Variants in ANO1 observed in about 807,000 individuals in gnomAD.
ANO1 encodes the protein anoctamin-1.
Under a neutral mutation model 124.0 loss-of-function variants are expected in ANO1, and 59 were observed. The ratio of observed to expected loss-of-function variants is 0.48; its 90% CI spans 0.39 to 0.59. The LOEUF (loss-of-function observed/expected upper bound fraction) is 0.59, where lower values mean the gene tolerates loss of function less well. Ranked by LOEUF, ANO1 falls within the 20% of genes least tolerant of loss-of-function variation. The pLI, the probability that ANO1 is intolerant of heterozygous loss-of-function variation, is 0.00. For synonymous variants in ANO1, 529 were observed against 532.0 expected, an observed-to-expected ratio of 0.99 and a Z score of 0.08; for missense variants, 1,059 against 1,328.0, an observed-to-expected ratio of 0.80 and a Z score of 3.15.
At position 70,182,318 on chromosome 11, in the gene ANO1, G is replaced by A. The variant is rs7112779; in HGVS notation, c.2404-184G>A. Among the ~76,000 whole-genome samples the A allele has an allele frequency of 2.5e-3, 376 of 152,338 alleles. 3 individuals carry two copies. In the East Asian group the frequency reaches 0.027, roughly 11 times the overall value. On this transcript the variant is annotated intron_variant, in intron 23 of 25. Coordinates refer to ENST00000355303, the MANE Select transcript of ANO1 (RefSeq NM_018043.7). ...TCTCCTTCAGCTGCCAGGGGGCTGA[G>A]AGGAACACCCGCGACCCTGCATCCA...
chr11:70,124,372 G>T lies in ANO1; in HGVS notation c.920G>T (p.Arg307Leu). The change falls in exon 9 of 26, where the codon CGC becomes CTC. Residue 307 changes from arginine to leucine, a missense_variant. Arg to Leu is a moderately radical substitution (Grantham distance 102). Transcript: ENST00000355303. ...DRKLLYEEWARYGVFYKYQPI... is the reference protein window; with the variant it reads ...DRKLLYEEWALYGVFYKYQPI... ...CAGCTCCTGTACGAAGAGTGGGCACGCTATGGAGTTTTCTATAAGTACCAG... is the reference window on the plus strand; with the variant it reads ...CAGCTCCTGTACGAAGAGTGGGCACTCTATGGAGTTTTCTATAAGTACCAG... 1 of 1,613,846 alleles carries T rather than the reference G, an allele frequency of 6.2e-7. No individual in the cohort carries two copies.
chr11:70,167,536 T>C, intron 21 of ANO1, 149 bp downstream of exon 21: 1 of 1,213,088 alleles, frequency 8.2e-7, no homozygotes. Context: ...AGAAGAGAGA[T>C]GCAGACCCTG....
At chr11:70,181,253 G>A (rs2048917815) in intron 23 of ANO1, among the ~76,000 whole-genome samples, 1 of 152,170 alleles carries the variant, frequency 6.6e-6, no homozygotes, top group South Asian at 2.1e-4. Flanking sequence ...CAAAGCTGAC[G>A]GTCGACGCCC....
intron 10 of ANO1, among the ~76,000 whole-genome samples, chr11:70,128,694 A>G (rs1353770884): frequency 1.3e-5 from 2 of 152,256 alleles, no homozygotes; most frequent in African/African-American, 4.8e-5. Context: ...AAGCCCCAGC[A>G]TGGAGCCGCC....
upstream of ANO1, among the ~76,000 whole-genome samples, chr11:69,983,050 G>A (rs117159018): frequency 0.015 from 2,207 of 152,172 alleles, 28 homozygotes; most frequent in Non-Finnish European, 0.019. Context: ...CAGGTGGTGC[G>A]CCTGTGGGCC....
chr11:69,981,122 G>A (rs782249792), upstream of ANO1, among the ~76,000 whole-genome samples: 4 of 152,200 alleles, frequency 2.6e-5, no homozygotes, highest in Non-Finnish European at 5.9e-5. Context: ...TATGAAGGCA[G>A]TTATGGCACA....
At chr11:70,028,305 G>C (rs1265301438) in intron 1 of ANO1, among the ~76,000 whole-genome samples, 1 of 152,182 alleles carries the variant, frequency 6.6e-6, no homozygotes, top group Non-Finnish European at 1.5e-5. Context: ...GCCTTTCTCT[G>C]ATGCTGAGCT....
chr11:70,012,181 T>A (rs1002833619), intron 1 of ANO1, among the ~76,000 whole-genome samples: 3 of 152,162 alleles, frequency 2.0e-5, no homozygotes, highest in Non-Finnish European at 4.4e-5. Flanking sequence ...TATCTATCCA[T>A]CCATTGTTGT....
intron 1 of ANO1, among the ~76,000 whole-genome samples, chr11:70,038,324 G>C (rs1487055721): frequency 6.6e-6 from 1 of 152,120 alleles, no homozygotes; most frequent in Non-Finnish European, 1.5e-5. Flanking sequence ...GTTTCAAGCT[G>C]TTAGCCAATC....
chr11:69,995,104 T>TTTTTGG (rs56064129), intron 1 of ANO1, among the ~76,000 whole-genome samples: 1 of 141,678 alleles, frequency 7.1e-6, no homozygotes, highest in Non-Finnish European at 1.5e-5. Context: ...TTTTTTTTTT[T>TTTTTGG]TTTTTTTTTT....
chr11:69,976,613 G>T, the ANO1 span, among the ~76,000 whole-genome samples: 853 of 150,224 alleles, frequency 5.7e-3, 4 homozygotes, highest in African/African-American at 0.02. Flanking sequence ...ATCATGTGGG[G>T]ACACAGGGAG....
chr11:70,186,625 G>C (rs2049139223), intron 25 of ANO1, among the ~76,000 whole-genome samples: 1 of 152,140 alleles, frequency 6.6e-6, no homozygotes. Flanking sequence ...CCCAGGCTAG[G>C]GTGCCAGCTG....
intron 1 of ANO1, among the ~76,000 whole-genome samples, chr11:70,042,705 G>A (rs1555005199): frequency 6.6e-6 from 1 of 152,196 alleles, no homozygotes; most frequent in African/African-American, 2.4e-5. Flanking sequence ...ACAGAGGGCT[G>A]GGAATAGCTC....
At chr11:69,966,457 A>G in the ANO1 span, among the ~76,000 whole-genome samples, 1 of 152,158 alleles carries the variant, frequency 6.6e-6, no homozygotes, top group Non-Finnish European at 1.5e-5. Flanking sequence ...GCCTGGGTCC[A>G]GCCCCCGCCA....
At chr11:69,996,219 G>A (rs1470833105) in intron 1 of ANO1, among the ~76,000 whole-genome samples, 1 of 152,200 alleles carries the variant, frequency 6.6e-6, no homozygotes, top group African/African-American at 2.4e-5. Flanking sequence ...AGACCATCCT[G>A]AGCTGAATTT....
rs181853589 is a variant in ANO1 at position 70,095,162 on chromosome 11, C to T, written c.441+7078C>T. ...CGGAGGTTGCATTGAGCCAAGATCG[C>T]GCCACCACACTTCAGCCTGGTTGAC... On this transcript the variant is annotated intron_variant, in intron 2 of 25. Coordinates refer to ENST00000355303, the MANE Select transcript of ANO1 (RefSeq NM_018043.7). Among the ~76,000 whole-genome samples, 608 of 149,678 alleles carry T rather than the reference C, an allele frequency of 4.1e-3. 6 individuals carry two copies. Among genetic ancestry groups the T allele is most frequent in the African/African-American group, 0.014 (573 of 40,474 alleles).
At position 70,167,272 on chromosome 11, in the gene ANO1, G is replaced by T; in HGVS notation, c.2082G>T (p.Lys694Asn). The change falls in exon 21 of 26, where the codon AAG (lysine) becomes AAT (asparagine). Residue 694 changes from lysine (K) to asparagine (N), a missense_variant. By Grantham distance (94) the Lys-to-Asn change is moderately conservative. Transcript: ENST00000355303. ...PKMKKLIRYL[K>N]LKQQSPPDHE... ...TGAAGAAGCTCATCCGCTACCTGAA[G>T]CTGAAGCAGCAGAGCCCCCCTGACC... is the stretch of plus-strand genomic sequence containing the variant. 1.2e-6 allele frequency: 2 copies of T among 1,614,050 alleles called. No homozygotes were observed. Among genetic ancestry groups the T allele is most frequent in the Non-Finnish European group, 1.7e-6 (2 of 1,179,890 alleles).
At chr11:70,085,755 G>T in intron 1 of ANO1, 1 of 1,404,506 alleles carries the variant, frequency 7.1e-7, no homozygotes, top group Non-Finnish European at 9.3e-7. Context: ...TCCACTCGAG[G>T]CCTTCCCTCC....
chr11:70,173,330 C>T (rs186374048), intron 22 of ANO1, among the ~76,000 whole-genome samples: 13 of 152,272 alleles, frequency 8.5e-5, no homozygotes, highest in Admixed American at 3.9e-4. Flanking sequence ...TGTGTTTGGA[C>T]ACTTTTGCTT....
Sources: allele counts gnomAD v4.1 joint callset (sites outside exome capture counted in the v4.1 genomes callset), GRCh38; gene constraint gnomAD v4.1.1; transcripts MANE v1.5; gene names NCBI Gene and HGNC (gene_info 2026-07-23, HGNC 2026-07-21).